Variants in LYN observed in about 807,000 individuals in gnomAD.
The protein encoded by LYN is LYN proto-oncogene, Src family tyrosine kinase.
Under a neutral mutation model 65.0 loss-of-function variants are expected in LYN, and 12 were observed. The observed-to-expected ratio is 0.18, with a 90% CI of 0.12 to 0.30. LYN has a LOEUF of 0.30. LYN is among the 10% of genes least tolerant of loss of function. The pLI, the probability that LYN is intolerant of heterozygous loss-of-function variation, is 1.00. For missense variants in LYN, 380 were observed against 623.2 expected (o/e 0.61, Z 4.16); for synonymous variants, 222 against 221.2 (o/e 1.00, Z -0.03).
rs573698148 is a variant in LYN, at chr8:55,917,293, G to A, written c.-5-24562G>A. Among the ~76,000 whole-genome samples, 41 of 152,092 alleles carry A rather than the reference G, an allele frequency of 2.7e-4. No individual in the cohort carries two copies. The South Asian group carries it at 2.7e-3, about 10-fold the overall frequency. On this transcript the variant is annotated intron_variant, in intron 1 of 12. Coordinates refer to ENST00000519728, the MANE Select transcript of LYN (RefSeq NM_002350.4). ...CTTGAACTCCTAGGCTCATGTGATC[G>A]TCCCGCCTCAGCCTCCCAAGTAGCT...
In LYN at chr8:55,946,503, C is replaced by G; in HGVS notation, c.178+10C>G. ...AGGTTTCAAACTAAAGGTATGTTTTCATAGCAACATAGTTAAAATTTTTTT... is the reference window on the plus strand; with the variant it reads ...AGGTTTCAAACTAAAGGTATGTTTTGATAGCAACATAGTTAAAATTTTTTT... On this transcript the variant is annotated intron_variant, in intron 3 of 12. Transcript: ENST00000519728. 6.3e-7 allele frequency: 1 copy of G among 1,579,506 alleles called. No individual in the cohort carries two copies. The highest frequency in any genetic ancestry group is 8.7e-7 in the Non-Finnish European group (1 of 1,154,000).
At chr8:56,000,395 A>T (rs1489733041) in intron 12 of LYN, among the ~76,000 whole-genome samples, 1 of 152,052 alleles carries the variant, frequency 6.6e-6, no homozygotes, top group Non-Finnish European at 1.5e-5. Context: ...GATTCTGACC[A>T]TCCCTCCATT....
At chr8:55,982,745 C>G (rs561814304) in intron 10 of LYN, among the ~76,000 whole-genome samples, 1 of 152,196 alleles carries the variant, frequency 6.6e-6, no homozygotes, top group African/African-American at 2.4e-5. Context: ...GACTTCCTCC[C>G]CTCCAAGACT....
chr8:56,010,223 G>A lies in LYN; in HGVS notation c.*113G>A. The A allele has an allele frequency of 9.2e-7, 1 of 1,081,976 alleles. No individual in the cohort carries two copies. The highest frequency in any genetic ancestry group is 1.4e-6 in the Non-Finnish European group (1 of 733,870). 67.0% of individuals were successfully genotyped at this position (1,081,976 alleles called of 1,614,324 possible). ...TGTGCGGGGATCATCTGCCGTGCCT[G>A]GATCCTGAAATAGAGGCTAAATTAC... On this transcript the variant is annotated 3_prime_UTR_variant, in exon 13 of 13. Coordinates refer to ENST00000519728, the MANE Select transcript of LYN (RefSeq NM_002350.4).
chr8:55,924,183 C>T lies in LYN; in HGVS notation c.-5-17672C>T, dbSNP rs146582033. Among the ~76,000 whole-genome samples, 375 of 151,984 alleles carry T rather than the reference C, an allele frequency of 2.5e-3. 2 individuals carry two copies. Among genetic ancestry groups the T allele is most frequent in the African/African-American group, 8.2e-3 (340 of 41,472 alleles). On this transcript the variant is annotated intron_variant, in intron 1 of 12. Transcript: ENST00000519728. The stretch of plus-strand genomic sequence containing the variant: ...AGCACTACCTTGAGTGAGTACCTCT[C>T]ACGATGTGTGAGAGATGTCATTGTG...
chr8:55,960,815 A>G (rs1436681808), intron 8 of LYN, among the ~76,000 whole-genome samples: 2 of 152,162 alleles, frequency 1.3e-5, no homozygotes, highest in Admixed American at 1.3e-4. Flanking sequence ...AATGCAGTGA[A>G]CAAATACTAG....
chr8:55,948,129 A>T (rs1365223186), intron 4 of LYN, among the ~76,000 whole-genome samples: 2 of 152,084 alleles, frequency 1.3e-5, no homozygotes, highest in Non-Finnish European at 2.9e-5. Flanking sequence ...ATGTGCCACC[A>T]GGCCTGGCTA....
At chr8:55,920,482 G>C (rs1805913011) in intron 1 of LYN, among the ~76,000 whole-genome samples, 1 of 152,216 alleles carries the variant, frequency 6.6e-6, no homozygotes, top group Non-Finnish European at 1.5e-5. Flanking sequence ...CTCTGAGAGA[G>C]CATTTAACAT....
At chr8:55,966,620 G>A in intron 8 of LYN, 95 bp from the exon 9 acceptor site, 5 of 1,086,278 alleles carry the variant, frequency 4.6e-6, no homozygotes, top group South Asian at 1.6e-5. Flanking sequence ...CACTCACCTC[G>A]ACCTCCCAAA....
chr8:55,941,421 TTTC>T (rs1486204257), intron 1 of LYN, among the ~76,000 whole-genome samples: 2 of 152,218 alleles, frequency 1.3e-5, no homozygotes, highest in African/African-American at 4.8e-5. Flanking sequence ...GCATATGAAG[TTTC>T]TTCTTCCTGG....
intron 10 of LYN, among the ~76,000 whole-genome samples, chr8:55,994,613 T>C (rs987512887): frequency 1.3e-5 from 2 of 152,200 alleles, no homozygotes; most frequent in Non-Finnish European, 2.9e-5. Context: ...CCCACCTGTG[T>C]GGCCGATCAA....
chr8:55,925,579 CTG>C (rs938449735), intron 1 of LYN, among the ~76,000 whole-genome samples: 5 of 152,148 alleles, frequency 3.3e-5, no homozygotes, highest in African/African-American at 1.2e-4. Context: ...TCTTTGTCTT[CTG>C]TGAACCCATT....
intron 1 of LYN, among the ~76,000 whole-genome samples, chr8:55,924,840 TG>T (rs1255532024): frequency 2.0e-5 from 3 of 152,174 alleles, no homozygotes; most frequent in South Asian, 2.1e-4. Context: ...GTCCAAAGAA[TG>T]GTTTCCCTTT....
At chr8:56,007,643 G>A (rs1808706974) in intron 12 of LYN, among the ~76,000 whole-genome samples, 1 of 152,176 alleles carries the variant, frequency 6.6e-6, no homozygotes, top group African/African-American at 2.4e-5. Flanking sequence ...TGTGTCCTTA[G>A]ATGAAAAAAG....
chr8:55,897,951 T>C (rs1805165026), intron 1 of LYN, among the ~76,000 whole-genome samples: 1 of 152,152 alleles, frequency 6.6e-6, no homozygotes, highest in Non-Finnish European at 1.5e-5. Context: ...TAAAGATTAG[T>C]AAGCAATTTT....
intron 10 of LYN, among the ~76,000 whole-genome samples, chr8:55,988,741 GTTTCTCA>G (rs971529874): frequency 6.6e-6 from 1 of 152,092 alleles, no homozygotes; most frequent in Non-Finnish European, 1.5e-5. Context: ...TTCAGTTCCA[GTTTCTCA>G]TTTAGGCTGG....
At chr8:55,917,219 G>A (rs1452229051) in intron 1 of LYN, among the ~76,000 whole-genome samples, 6 of 151,308 alleles carry the variant, frequency 4.0e-5, no homozygotes, top group Non-Finnish European at 8.8e-5. Flanking sequence ...GGGATCTTGC[G>A]CTGTCACCCA....
At position 55,930,110 on chromosome 8, in the gene LYN, C is replaced by G. The variant is rs561828665; in HGVS notation, c.-5-11745C>G. ...AGTTTCATCCTGAAACCACCACCCC[C>G]CACCTGACCCCGCTCTGTGGAAAAA... On this transcript the variant is annotated intron_variant, in intron 1 of 12. Coordinates refer to ENST00000519728, the MANE Select transcript of LYN (RefSeq NM_002350.4). Among the ~76,000 whole-genome samples, 94 of 152,298 alleles carry G rather than the reference C, an allele frequency of 6.2e-4. 3 individuals carry two copies. The highest frequency in any genetic ancestry group is 2.1e-3 in the African/African-American group (88 of 41,544).
At chr8:55,998,572 C>T in intron 11 of LYN, 73 bp downstream of exon 11, 1 of 1,412,018 alleles carries the variant, frequency 7.1e-7, no homozygotes, top group South Asian at 1.2e-5. Flanking sequence ...TTTGACAAAG[C>T]AATTACAATA....
Sources: gnomAD v4.1 joint callset for allele counts (sites outside exome capture counted in the v4.1 genomes callset) on GRCh38, gnomAD v4.1.1 for gene constraint, MANE v1.5 for transcripts, NCBI Gene and HGNC (gene_info 2026-07-23, HGNC 2026-07-21) for gene names.